The following PCDHA10 variants were observed in gnomAD, a reference collection of about 807,000 sequenced individuals.
PCDHA10 encodes the protein protocadherin alpha-10.
A neutral mutation model predicts 61.2 loss-of-function variants in PCDHA10; 45 were observed. That is an observed-to-expected ratio of 0.74 (90% CI 0.58 to 0.94). The LOEUF is 0.94. Ranked by LOEUF, PCDHA10 falls within the 40% of genes least tolerant of loss-of-function variation. The pLI is 0.00. For missense variants in PCDHA10, 1,278 were observed against 1,236.2 expected (o/e 1.03, Z -0.51); for synonymous variants, 602 against 548.8 (o/e 1.10, Z -1.35).
At chr5:140,915,445 G>C (rs2077121673) in intron 1 of PCDHA10, among the ~76,000 whole-genome samples, 1 of 152,024 alleles carries the variant, frequency 6.6e-6, no homozygotes, top group Non-Finnish European at 1.5e-5. Context: ...TTCTTGAGAA[G>C]GTTTTCCAGA....
intron 1 of PCDHA10, among the ~76,000 whole-genome samples, chr5:140,900,977 C>T (rs1223245503): frequency 2.0e-5 from 3 of 152,112 alleles, no homozygotes; most frequent in South Asian, 2.1e-4. Flanking sequence ...AGTATCTTTT[C>T]CTATACCTGT....
At chr5:140,938,041 G>T (rs2091894997) in intron 1 of PCDHA10, among the ~76,000 whole-genome samples, 1 of 151,764 alleles carries the variant, frequency 6.6e-6, no homozygotes, top group African/African-American at 2.4e-5. Flanking sequence ...TTTATATTTT[G>T]GGTTTTCTAC....
At chr5:140,884,585 A>C in intron 1 of PCDHA10, 2 of 1,614,190 alleles carry the variant, frequency 1.2e-6, no homozygotes, top group Non-Finnish European at 1.7e-6. Context: ...CATGGCCTTC[A>C]GTCCCAGCCT....
Position 140,856,666 on chromosome 5 carries a change from G to C in PCDHA10, c.618G>C (p.Gln206His). Residue 206 changes from glutamine (Q) to histidine (H), a missense_variant, in exon 1 of 4, where the codon CAG becomes CAC. Physicochemically the swap from Gln to His is conservative, Grantham distance 24. Coordinates refer to ENST00000307360, the MANE Select transcript of PCDHA10 (RefSeq NM_018901.4). ...RKLLDREENPQLKLLLTATDG... is the reference protein window; with the variant it reads ...RKLLDREENPHLKLLLTATDG... ...TGCTGGATCGTGAAGAAAATCCTCA[G>C]CTAAAGTTGTTGTTGACAGCAACTG... The C allele has an allele frequency of 1.3e-6, 2 of 1,598,010 alleles. No homozygotes were observed. The highest frequency in any genetic ancestry group is 2.2e-5 in the South Asian group (2 of 90,536).
At chr5:141,006,828 G>A (rs1554260937) in intron 3 of PCDHA10, among the ~76,000 whole-genome samples, 1 of 152,162 alleles carries the variant, frequency 6.6e-6, no homozygotes, top group Non-Finnish European at 1.5e-5. Context: ...TAAATGGGGT[G>A]TAATTTACTG....
chr5:140,910,127 C>T (rs1323587900), intron 1 of PCDHA10, among the ~76,000 whole-genome samples: 5 of 152,202 alleles, frequency 3.3e-5, no homozygotes, highest in African/African-American at 1.2e-4. Context: ...GGTCTGTAAA[C>T]TGGTTTAAGT....
intron 1 of PCDHA10, among the ~76,000 whole-genome samples, chr5:140,911,205 A>G (rs1554194650): frequency 6.6e-6 from 1 of 152,162 alleles, no homozygotes; most frequent in African/African-American, 2.4e-5. Flanking sequence ...TGTTGCCACT[A>G]CTGGGGATGA....
At chr5:140,940,705 C>T (rs2092669255) in intron 1 of PCDHA10, among the ~76,000 whole-genome samples, 1 of 152,170 alleles carries the variant, frequency 6.6e-6, no homozygotes, top group Non-Finnish European at 1.5e-5. Context: ...AAGTGTATAC[C>T]TGCTGTGTGC....
At chr5:140,964,792 C>T (rs183206526) in intron 1 of PCDHA10, among the ~76,000 whole-genome samples, 5 of 151,738 alleles carry the variant, frequency 3.3e-5, no homozygotes, top group African/African-American at 7.3e-5. Context: ...AAGCCAGAGA[C>T]CCAAGAAAGG....
chr5:140,944,334 C>T (rs547924304), intron 1 of PCDHA10, among the ~76,000 whole-genome samples: 131 of 152,138 alleles, frequency 8.6e-4, no homozygotes, highest in African/African-American at 3.0e-3. Flanking sequence ...ATTACAAGCA[C>T]GTGCCACCAC....
chr5:140,920,773 G>A (rs374394320), intron 1 of PCDHA10, among the ~76,000 whole-genome samples: 41 of 151,942 alleles, frequency 2.7e-4, no homozygotes, highest in African/African-American at 9.2e-4. Flanking sequence ...ACACCTGGGA[G>A]GTGGAGGTTG....
chr5:140,877,700 G>A, intron 1 of PCDHA10: 1 of 1,613,996 alleles, frequency 6.2e-7, no homozygotes, highest in Non-Finnish European at 8.5e-7. Flanking sequence ...GTGTGCTCCA[G>A]CGCCGTGGGG....
Position 140,980,736 on chromosome 5 carries a change from A to G in PCDHA10, c.2447+1729A>G, listed in dbSNP as rs1014210313. 6.6e-5 allele frequency among the ~76,000 whole-genome samples: 10 copies of G among 152,312 alleles called. No individual in the cohort carries two copies. The East Asian group carries it at 1.9e-3, about 29-fold the overall frequency. ...TTCGGGTTTCAATTAAGATATTATG[A>G]GATTTGAGTAGGGTAAGAAATAAAA... On this transcript the variant is annotated intron_variant, in intron 2 of 3. Transcript: ENST00000307360.
intron 1 of PCDHA10, among the ~76,000 whole-genome samples, chr5:140,901,864 C>G (rs782513656): frequency 4.6e-4 from 70 of 152,126 alleles, no homozygotes; most frequent in Non-Finnish European, 5.7e-4. Flanking sequence ...TTTGTGTCCT[C>G]TTCAATTTCT....
intron 1 of PCDHA10, chr5:140,968,172 T>C (rs2096226402): frequency 6.2e-7 from 1 of 1,614,110 alleles, no homozygotes; most frequent in Non-Finnish European, 8.5e-7. Flanking sequence ...CCACCAAGCT[T>C]CCTGGAGGAC....
In PCDHA10 at chr5:140,928,366, C is replaced by T. The variant is rs73793524; in HGVS notation, c.2389-50583C>T. 1.5e-3 allele frequency: 2,439 copies of T among 1,614,110 alleles called. 35 individuals carry two copies. In the African/African-American group the frequency reaches 0.03, roughly 20 times the overall value. ...GCTGTTGGATGTTATCTCTGAAGGG[C>T]CATCAGCCTCTAGCTTGCTGGCAGT... On this transcript the variant is annotated intron_variant, in intron 1 of 3. Coordinates refer to ENST00000307360, the MANE Select transcript of PCDHA10 (RefSeq NM_018901.4).
At chr5:140,957,043 A>C (rs2095328677) in intron 1 of PCDHA10, among the ~76,000 whole-genome samples, 3 of 152,196 alleles carry the variant, frequency 2.0e-5, no homozygotes, top group Admixed American at 2.0e-4. Flanking sequence ...GGAGTCATAT[A>C]AAATAAATTA....
Position 140,856,246 on chromosome 5 carries a change from G to T in PCDHA10, c.198G>T (p.Ala66=), listed in dbSNP as rs782761072. 1.3e-6 allele frequency: 2 copies of T among 1,598,030 alleles called. No individual in the cohort carries two copies. The highest frequency in any genetic ancestry group is 1.7e-5 in the Admixed American group (1 of 59,264). ...AELVQRLFRV[A]SKRHGDLLEV... is the part of the protein sequence containing the mutation. ...TGGTGCAGCGCCTGTTCCGGGTGGC[G>T]TCCAAAAGACACGGGGACCTTCTGG... is the stretch of plus-strand genomic sequence containing the variant. Residue 66 remains alanine, a synonymous_variant, in exon 1 of 4, where the codon GCG becomes GCT. Transcript: ENST00000307360.
At chr5:140,894,793 T>C (rs1269028222) in intron 1 of PCDHA10, among the ~76,000 whole-genome samples, 2 of 152,170 alleles carry the variant, frequency 1.3e-5, no homozygotes, top group Non-Finnish European at 2.9e-5. Flanking sequence ...TGTCCTCTCC[T>C]TTAAAAATAA....
Sources: gnomAD v4.1 joint callset for allele counts (sites outside exome capture counted in the v4.1 genomes callset) on GRCh38, gnomAD v4.1.1 for gene constraint, MANE v1.5 for transcripts, NCBI Gene and HGNC (gene_info 2026-07-23, HGNC 2026-07-21) for gene names.